FGF14: variants seen among roughly 807,000 people sequenced by gnomAD.
FGF14 encodes fibroblast growth factor 14.
A neutral mutation model predicts 25.5 loss-of-function variants in FGF14; 5 were observed. The ratio of observed to expected loss-of-function variants is 0.20; its 90% confidence interval spans 0.10 to 0.41. The LOEUF (loss-of-function observed/expected upper bound fraction) is 0.41, where lower values mean the gene tolerates loss of function less well. Among genes scored for constraint, FGF14 ranks in the 10% least tolerant of loss-of-function variants. The pLI, the probability that FGF14 is intolerant of heterozygous loss-of-function variation, is 1.00. For synonymous variants in FGF14, 138 were observed against 118.3 expected (o/e 1.17, Z -1.08); for missense variants, 222 against 320.1 (o/e 0.69, Z 2.34).
intron 1 of FGF14, among the ~76,000 whole-genome samples, chr13:102,028,976 C>A (rs1392444790): frequency 1.3e-5 from 2 of 152,028 alleles, no homozygotes; most frequent in Non-Finnish European, 2.9e-5. Context: ...AAAAATGAGG[C>A]TCAGCAGAAC....
At chr13:102,134,464 C>T (rs1156641810) in intron 1 of FGF14, among the ~76,000 whole-genome samples, 1 of 152,188 alleles carries the variant, frequency 6.6e-6, no homozygotes, top group African/African-American at 2.4e-5. Flanking sequence ...GTATGTTATA[C>T]CTCCACGGGA....
At chr13:102,148,237 C>T (rs1047441388) in intron 1 of FGF14, among the ~76,000 whole-genome samples, 24 of 151,896 alleles carry the variant, frequency 1.6e-4, no homozygotes, top group African/African-American at 5.8e-4. Context: ...TTTTGAAACT[C>T]CAAACTAAGA....
At chr13:102,220,691 C>T (rs2050573250) in intron 1 of FGF14, among the ~76,000 whole-genome samples, 1 of 152,194 alleles carries the variant, frequency 6.6e-6, no homozygotes, top group South Asian at 2.1e-4. Context: ...TTCTAGGTTG[C>T]TGTACCTTCT....
At chr13:102,079,528 G>C (rs1470167128) in intron 1 of FGF14, among the ~76,000 whole-genome samples, 1 of 152,020 alleles carries the variant, frequency 6.6e-6, no homozygotes, top group Non-Finnish European at 1.5e-5. Context: ...TGATCCTCCT[G>C]CCTCAATCTC....
intron 1 of FGF14, among the ~76,000 whole-genome samples, chr13:102,005,815 T>C (rs1314116350): frequency 1.3e-5 from 2 of 152,220 alleles, no homozygotes; most frequent in African/African-American, 4.8e-5. Flanking sequence ...CCAATTTTGA[T>C]CTCTCAAGCA....
chr13:102,360,477 C>T (rs910645124), intron 1 of FGF14, among the ~76,000 whole-genome samples: 4 of 152,026 alleles, frequency 2.6e-5, no homozygotes, highest in African/African-American at 9.7e-5. Context: ...AATGACAGAG[C>T]TTGACTGTGT....
chr13:102,381,812 T>C (rs1291049730), intron 1 of FGF14, among the ~76,000 whole-genome samples: 1 of 152,196 alleles, frequency 6.6e-6, no homozygotes, highest in East Asian at 1.9e-4. Flanking sequence ...CACCAGGACA[T>C]TTTTAGAGTG....
chr13:102,214,690 G>C (rs1371723986), intron 1 of FGF14, among the ~76,000 whole-genome samples: 1 of 152,180 alleles, frequency 6.6e-6, no homozygotes, highest in East Asian at 1.9e-4. Flanking sequence ...TTCTAGATCA[G>C]GGGATCTCAA....
chr13:102,325,571 A>G (rs990625530), intron 1 of FGF14, among the ~76,000 whole-genome samples: 1 of 152,180 alleles, frequency 6.6e-6, no homozygotes, highest in African/African-American at 2.4e-5. Flanking sequence ...TCTGGAGTGT[A>G]TCATGGGTAA....
chr13:101,809,353 C>CAAT (rs1465160668), intron 3 of FGF14, among the ~76,000 whole-genome samples: 2 of 152,222 alleles, frequency 1.3e-5, no homozygotes, highest in Non-Finnish European at 2.9e-5. Context: ...TGGTGACAGT[C>CAAT]AATAGTCTCA....
chr13:102,393,084 C>T (rs554386269), intron 1 of FGF14, among the ~76,000 whole-genome samples: 5 of 152,290 alleles, frequency 3.3e-5, no homozygotes, highest in Non-Finnish European at 7.4e-5. Flanking sequence ...TCTTTCTCTT[C>T]CTTGACAGCC....
intron 1 of FGF14, among the ~76,000 whole-genome samples, chr13:102,231,535 T>G (rs1452842020): frequency 6.6e-6 from 1 of 152,206 alleles, no homozygotes; most frequent in African/African-American, 2.4e-5. Flanking sequence ...TTCTTGAGAT[T>G]TATAACAGAA....
chr13:102,368,351 G>A (rs1366326398), intron 1 of FGF14, among the ~76,000 whole-genome samples: 1 of 152,022 alleles, frequency 6.6e-6, no homozygotes, highest in Admixed American at 6.6e-5. Flanking sequence ...CAAAAAAATC[G>A]AAATAATATT....
chr13:102,246,829 C>G lies in FGF14; in HGVS notation c.208+154642G>C, dbSNP rs1332173008. ...AACAAAACTGGAGGCTTCACGTAAC[C>G]CTTCAAACTATACTACAGTGCTGCA... is the stretch of plus-strand genomic sequence containing the variant. On this transcript the variant is annotated intron_variant, in intron 1 of 4. Transcript: ENST00000376131. Among the ~76,000 whole-genome samples, 9 of 151,470 alleles carry G rather than the reference C, an allele frequency of 5.9e-5. No homozygotes were observed. In the South Asian group the frequency reaches 1.9e-3, roughly 32 times the overall value.
chr13:101,924,456 A>G (rs1258011921), intron 1 of FGF14, among the ~76,000 whole-genome samples: 1 of 152,178 alleles, frequency 6.6e-6, no homozygotes, highest in Non-Finnish European at 1.5e-5. Context: ...TTTTTAAAAA[A>G]GCCATTTTCA....
chr13:101,884,062 CAAAAAAAAAAAA>C (rs11315735), intron 1 of FGF14, among the ~76,000 whole-genome samples: 3 of 37,832 alleles, frequency 7.9e-5, no homozygotes, highest in South Asian at 1.9e-3. Context: ...GACTCCATCT[CAAAAAAAAAAAA>C]AAAAAAAAAA....
chr13:102,029,795 C>G (rs1018509304), intron 1 of FGF14, among the ~76,000 whole-genome samples: 4 of 152,010 alleles, frequency 2.6e-5, no homozygotes, highest in African/African-American at 9.7e-5. Flanking sequence ...TTTGGGAGAC[C>G]AGAATAAACA....
At chr13:102,000,194 C>A (rs2139727169) in intron 1 of FGF14, among the ~76,000 whole-genome samples, 1 of 152,272 alleles carries the variant, frequency 6.6e-6, no homozygotes, top group Non-Finnish European at 1.5e-5. Flanking sequence ...TGGCGGGCAC[C>A]TGTAATCCCA....
intron 3 of FGF14, among the ~76,000 whole-genome samples, chr13:101,791,035 T>C (rs2040203945): frequency 6.6e-6 from 1 of 152,160 alleles, no homozygotes; most frequent in South Asian, 2.1e-4. Flanking sequence ...TGATGAAACA[T>C]ATTTGCTAAC....
Sources: gnomAD v4.1 joint callset for allele counts (sites outside exome capture counted in the v4.1 genomes callset) on GRCh38, gnomAD v4.1.1 for gene constraint, MANE v1.5 for transcripts, NCBI Gene and HGNC (gene_info 2026-07-23, HGNC 2026-07-21) for gene names.